The following ASIC2 variants were observed in gnomAD, a reference collection of about 807,000 sequenced individuals.
ASIC2 encodes acid-sensing ion channel 2.
A neutral mutation model predicts 57.3 loss-of-function variants in ASIC2; 25 were observed. The observed-to-expected ratio is 0.44, with a 90% CI of 0.32 to 0.61. The LOEUF (loss-of-function observed/expected upper bound fraction) is 0.61. Among genes scored for constraint, ASIC2 ranks in the 20% least tolerant of loss-of-function variants. ASIC2 has a pLI of 0.06. For missense variants in ASIC2, 641 were observed against 738.1 expected (o/e 0.87, Z 1.52); for synonymous variants, 319 against 307.5 (o/e 1.04, Z -0.39).
At chr17:34,030,254 C>A (rs1429604679) in intron 1 of ASIC2, among the ~76,000 whole-genome samples, 2 of 152,236 alleles carry the variant, frequency 1.3e-5, no homozygotes, top group African/African-American at 2.4e-5. Context: ...ACAGTCTATA[C>A]CCTTCCAGCA....
intron 1 of ASIC2, among the ~76,000 whole-genome samples, chr17:33,181,002 C>T (rs1446133605): frequency 6.6e-6 from 1 of 152,094 alleles, no homozygotes; most frequent in Admixed American, 6.6e-5. Flanking sequence ...TGGGGAGTTT[C>T]GGTTGGCTGA....
chr17:33,039,243 T>C (rs1384670004), intron 3 of ASIC2, among the ~76,000 whole-genome samples: 1 of 152,184 alleles, frequency 6.6e-6, no homozygotes, highest in African/African-American at 2.4e-5. Context: ...GCCACAGGGA[T>C]TGGACATTTG....
intron 1 of ASIC2, among the ~76,000 whole-genome samples, chr17:33,512,045 G>A (rs577392302): frequency 7.2e-5 from 11 of 152,310 alleles, no homozygotes; most frequent in Admixed American, 1.3e-4. Context: ...GGGTTTCAGC[G>A]TCCTGTGTAA....
At chr17:33,759,145 A>G (rs1910702014) in intron 1 of ASIC2, among the ~76,000 whole-genome samples, 1 of 152,178 alleles carries the variant, frequency 6.6e-6, no homozygotes. Flanking sequence ...GACAGTAAAG[A>G]CCATTCAAAT....
At chr17:33,136,413 A>G (rs2092367408) in intron 1 of ASIC2, among the ~76,000 whole-genome samples, 1 of 152,256 alleles carries the variant, frequency 6.6e-6, no homozygotes, top group Admixed American at 6.5e-5. Context: ...AGGTATGCAC[A>G]TGCATGCTTG....
chr17:33,446,912 A>G (rs1473442145), intron 1 of ASIC2, among the ~76,000 whole-genome samples: 1 of 152,238 alleles, frequency 6.6e-6, no homozygotes, highest in Non-Finnish European at 1.5e-5. Flanking sequence ...AAGATGAAAC[A>G]ATAATTATCT....
chr17:33,026,024 C>T (rs760504096), intron 4 of ASIC2, 42 bp from the exon 5 acceptor site: 23 of 1,603,816 alleles, frequency 1.4e-5, no homozygotes, highest in African/African-American at 2.7e-5. Context: ...CAGGCAGGAA[C>T]ATTCATGTCA....
rs531765208 is a variant in ASIC2, at chr17:33,481,613, A to G, written c.556-369546T>C. ...TGAGATGTTTGAGAAATAGTCGTTG[A>G]ATAATTTCTCCCTTCCTTCAACCTC... On this transcript the variant is annotated intron_variant, in intron 1 of 9. Coordinates refer to the ASIC2 transcript ENST00000359872. 4.9e-4 allele frequency among the ~76,000 whole-genome samples: 74 copies of G among 152,144 alleles called. No homozygotes were observed. In the South Asian group the frequency reaches 0.01, roughly 21 times the overall value.
At chr17:33,624,822 G>A (rs1905920783) in intron 1 of ASIC2, among the ~76,000 whole-genome samples, 1 of 152,220 alleles carries the variant, frequency 6.6e-6, no homozygotes, top group South Asian at 2.1e-4. Flanking sequence ...AAGTCAAAGG[G>A]AGGTCATTTT....
intron 1 of ASIC2, among the ~76,000 whole-genome samples, chr17:34,061,623 A>G (rs1348698199): frequency 6.6e-6 from 1 of 152,204 alleles, no homozygotes; most frequent in African/African-American, 2.4e-5. Context: ...TGCTGCCTTT[A>G]GGAGACTCAC....
intron 1 of ASIC2, among the ~76,000 whole-genome samples, chr17:34,012,498 T>TGGTCTG (rs1248894475): frequency 1.3e-5 from 2 of 152,324 alleles, no homozygotes; most frequent in Admixed American, 1.3e-4. Context: ...CTGTGATTCT[T>TGGTCTG]GGTCTGCTTT....
At chr17:33,691,270 GCAC>G (rs1414098625) in intron 1 of ASIC2, among the ~76,000 whole-genome samples, 1 of 152,126 alleles carries the variant, frequency 6.6e-6, no homozygotes, top group African/African-American at 2.4e-5. Context: ...AACAGCATGT[GCAC>G]GTATAATTTT....
At chr17:33,417,795 C>G (rs889020132) in intron 1 of ASIC2, among the ~76,000 whole-genome samples, 1 of 152,130 alleles carries the variant, frequency 6.6e-6, no homozygotes, top group Non-Finnish European at 1.5e-5. Flanking sequence ...GTTTTACTAA[C>G]GAGGAAGTCC....
intron 1 of ASIC2, among the ~76,000 whole-genome samples, chr17:33,615,532 C>T (rs959838031): frequency 2.0e-5 from 3 of 152,140 alleles, no homozygotes; most frequent in African/African-American, 7.2e-5. Context: ...ACTTGAAGGA[C>T]TCCCACTGCT....
At chr17:33,539,399 C>A (rs1379467557) in intron 1 of ASIC2, among the ~76,000 whole-genome samples, 2 of 152,252 alleles carry the variant, frequency 1.3e-5, no homozygotes, top group Non-Finnish European at 2.9e-5. Context: ...CAGCTTCCTC[C>A]TTCTGAGCCC....
At chr17:33,718,617 C>T (rs559096080) in intron 1 of ASIC2, among the ~76,000 whole-genome samples, 5 of 152,212 alleles carry the variant, frequency 3.3e-5, no homozygotes, top group Middle Eastern at 3.4e-3. Flanking sequence ...AATGTCCTTG[C>T]GAGCAGACAC....
At chr17:33,635,082 A>T (rs141312542) in intron 1 of ASIC2, 2 of 152,228 alleles carry the variant, frequency 1.3e-5, no homozygotes. Flanking sequence ...ATAAACAAAC[A>T]AAAGAATATT....
chr17:33,022,225 C>A (rs1450420816), intron 6 of ASIC2, among the ~76,000 whole-genome samples: 1 of 152,184 alleles, frequency 6.6e-6, no homozygotes, highest in Non-Finnish European at 1.5e-5. Flanking sequence ...TCCCATCTGC[C>A]TTTCCCCCGT....
At position 33,638,943 on chromosome 17, in the gene ASIC2, AC is replaced by A. The variant is rs1906462983; in HGVS notation, c.555+517034del. 2.0e-5 allele frequency among the ~76,000 whole-genome samples: 3 copies of A among 151,904 alleles called. No individual in the cohort carries two copies. In the South Asian group the frequency reaches 6.3e-4, roughly 32 times the overall value. On this transcript the variant is annotated intron_variant, in intron 1 of 9. Transcript: ENST00000359872. ...TCCTGGAGTTCTCTGGCAGGACTGC[AC>A]CCCAGTTGTCCTGGGTGGTCATGGG... is the stretch of plus-strand genomic sequence containing the variant.
Sources: gnomAD v4.1 joint callset for allele counts (sites outside exome capture counted in the v4.1 genomes callset) on GRCh38, gnomAD v4.1.1 for gene constraint, MANE v1.5 for transcripts, NCBI Gene and HGNC (gene_info 2026-07-23, HGNC 2026-07-21) for gene names.